Variants in SPAG9 observed in about 807,000 individuals in gnomAD.
The protein encoded by SPAG9 is C-Jun-amino-terminal kinase-interacting protein 4.
In SPAG9, 35 loss-of-function variants were observed where a neutral mutation model predicts 166.5. That is an observed-to-expected ratio of 0.21 (90% CI 0.16 to 0.28). SPAG9 has a LOEUF of 0.28. Among genes scored for constraint, SPAG9 ranks in the 10% least tolerant of loss-of-function variants. The pLI is 1.00. For missense variants in SPAG9, 1,235 were observed against 1,603.3 expected (o/e 0.77, Z 3.92); for synonymous variants, 534 against 565.5 (o/e 0.94, Z 0.79).
chr17:51,042,265 T>C (rs12452530), intron 4 of SPAG9, among the ~76,000 whole-genome samples: 36,315 of 152,084 alleles, frequency 0.24, 5,183 homozygotes, highest in Admixed American at 0.34. Flanking sequence ...GAGAAAACCA[T>C]TGTCGGTTTT....
At chr17:50,992,548 G>A (rs1426559546) in intron 19 of SPAG9, among the ~76,000 whole-genome samples, 1 of 152,134 alleles carries the variant, frequency 6.6e-6, no homozygotes, top group East Asian at 1.9e-4. Context: ...GTGTGCGCCT[G>A]TGGTCCCAGC....
chr17:51,102,157 C>T lies in SPAG9; in HGVS notation c.303+18197G>A, dbSNP rs564657817. ...TAGCATTTTGGGAGGCCAAGGTGGG[C>T]GAACTGCCTGAGCTCAGGAATTTGA... is the stretch of plus-strand genomic sequence containing the variant. On this transcript the variant is annotated intron_variant, in intron 1 of 29. Transcript: ENST00000262013. 2.5e-3 allele frequency among the ~76,000 whole-genome samples: 374 copies of T among 151,862 alleles called. 2 individuals are homozygous for T. The highest frequency in any genetic ancestry group is 8.3e-3 in the African/African-American group (346 of 41,454).
chr17:51,025,994 A>G (rs1337520781), intron 6 of SPAG9, among the ~76,000 whole-genome samples: 1 of 152,250 alleles, frequency 6.6e-6, no homozygotes, highest in African/African-American at 2.4e-5. Context: ...GGATTCAGAA[A>G]GCCCTAGAGA....
At chr17:51,083,762 T>C (rs1289512498) in intron 1 of SPAG9, among the ~76,000 whole-genome samples, 5 of 151,884 alleles carry the variant, frequency 3.3e-5, no homozygotes, top group Middle Eastern at 3.2e-3. Context: ...CCCTATAACA[T>C]TGGTTCTTAA....
intron 9 of SPAG9, among the ~76,000 whole-genome samples, chr17:51,010,606 T>C (rs1379757074): frequency 6.8e-6 from 1 of 148,032 alleles, no homozygotes; most frequent in Non-Finnish European, 1.5e-5. Context: ...TATATACATA[T>C]ATGTATGTAT....
At chr17:51,112,186 T>C (rs998242457) in intron 1 of SPAG9, among the ~76,000 whole-genome samples, 1 of 151,946 alleles carries the variant, frequency 6.6e-6, no homozygotes, top group Non-Finnish European at 1.5e-5. Context: ...AATGACTAGG[T>C]GCAGGGGCAT....
At chr17:51,005,585 T>C (rs879738467) in intron 11 of SPAG9, among the ~76,000 whole-genome samples, 2 of 152,290 alleles carry the variant, frequency 1.3e-5, no homozygotes, top group Non-Finnish European at 2.9e-5. Flanking sequence ...GTGCAGTGGC[T>C]CACGCCTGTA....
intron 8 of SPAG9, among the ~76,000 whole-genome samples, chr17:51,015,145 T>C (rs987545093): frequency 6.6e-6 from 1 of 152,046 alleles, no homozygotes; most frequent in Admixed American, 6.5e-5. Flanking sequence ...AACAAAATTC[T>C]GTAAGATGGA....
chr17:51,099,759 T>TAAAAAAAA (rs58721041), intron 1 of SPAG9, among the ~76,000 whole-genome samples: 8 of 43,652 alleles, frequency 1.8e-4, no homozygotes, highest in Admixed American at 3.2e-4. Context: ...CTTCTATTAC[T>TAAAAAAAA]AAAAAAAAAA....
intron 8 of SPAG9, among the ~76,000 whole-genome samples, chr17:51,016,464 G>A (rs2045701647): frequency 6.6e-6 from 1 of 152,182 alleles, no homozygotes. Context: ...TAGGAAACAG[G>A]CAGGTTTTGT....
In SPAG9 at chr17:51,021,268, A is replaced by G; in HGVS notation, c.881T>C (p.Leu294Ser). Residue 294 changes from leucine (L) to serine (S), a missense_variant, in exon 7 of 30, where the codon TTA (leucine) becomes TCA (serine). Around this residue, in one of 6 missense-constraint regions of SPAG9, gnomAD observed 288 missense variants for 323.7 expected, o/e 0.89. Coordinates refer to ENST00000262013, the MANE Select transcript of SPAG9 (RefSeq NM_001130528.3). ...DVATIPTDTPLKEENEGFVKV... is the reference protein window; with the variant it reads ...DVATIPTDTPSKEENEGFVKV... ...CACAAATCCTTCGTTTTCTTCCTTT[A>G]AGGGAGTATCAGTAGGAATTGTTGC... is the stretch of plus-strand genomic sequence containing the variant. The G allele has an allele frequency of 6.2e-7, 1 of 1,614,064 alleles. No homozygotes were observed.
chr17:51,104,057 T>C (rs972472907), intron 1 of SPAG9, among the ~76,000 whole-genome samples: 3 of 152,102 alleles, frequency 2.0e-5, no homozygotes, highest in African/African-American at 7.2e-5. Context: ...GCAATGGGAA[T>C]GAGGAAGAGT....
At chr17:50,990,771 T>C (rs1240566541) in intron 19 of SPAG9, 103 bp from the exon 20 acceptor site, 2 of 834,004 alleles carry the variant, frequency 2.4e-6, no homozygotes, top group Non-Finnish European at 3.8e-6. Context: ...GCAGGTGAGA[T>C]GTACAGGTAG....
chr17:50,995,457 T>A lies in SPAG9; in HGVS notation c.2045A>T (p.Asp682Val), dbSNP rs1189864075. ...CAATGAACTTACCTTCATTGATGTA[T>A]CTTTTTCATCCAGAGGTCTGAGATA... ...PVYLRPLDEK[D>V]TSMKLWCAVG... The change falls in exon 17 of 30, where the codon GAT (aspartate) becomes GTT (valine). Residue 682 changes from aspartate to valine, a missense_variant. By Grantham distance (152) the Asp-to-Val change is radical. Around this residue, in one of 6 missense-constraint regions of SPAG9, gnomAD observed 493 missense variants for 559.4 expected, o/e 0.88. Transcript: ENST00000262013. The A allele has an allele frequency of 1.9e-6, 3 of 1,607,050 alleles. No individual in the cohort carries two copies. In the Admixed American group the frequency reaches 5.0e-5, roughly 27 times the overall value.
Position 50,966,378 on chromosome 17 carries a change from C to T in SPAG9, c.3860G>A (p.Gly1287Asp). 6.3e-7 allele frequency: 1 copy of T among 1,594,650 alleles called. No individual in the cohort carries two copies. The highest frequency in any genetic ancestry group is 2.2e-5 in the East Asian group (1 of 44,766). The change falls in exon 30 of 30, where the codon GGT becomes GAT. Residue 1287 changes from glycine to aspartate, a missense_variant. Physicochemically the swap from Gly to Asp is moderately conservative, Grantham distance 94. Coordinates refer to ENST00000262013, the MANE Select transcript of SPAG9 (RefSeq NM_001130528.3). ...GYIDFRMGDE[G>D]GESELLGEDL... ...CTCTCCAAGAAGTTCTGATTCTCCA[C>T]CTTCATCACCTAGTGAATGATAAGA... is the stretch of plus-strand genomic sequence containing the variant.
chr17:51,009,124 TAC>T, intron 9 of SPAG9: 1 of 450,896 alleles, frequency 2.2e-6, no homozygotes, highest in Non-Finnish European at 4.5e-6. Context: ...TTCAAAATCA[TAC>T]ACACCAGAAT....
chr17:51,029,986 C>CCA (rs1289869169), intron 6 of SPAG9, among the ~76,000 whole-genome samples: 1 of 152,054 alleles, frequency 6.6e-6, no homozygotes, highest in African/African-American at 2.4e-5. Context: ...TGTGTTTTTA[C>CCA]CACACACACA....
chr17:51,075,371 A>C (rs1475077374), intron 2 of SPAG9, among the ~76,000 whole-genome samples: 2 of 152,086 alleles, frequency 1.3e-5, no homozygotes, highest in East Asian at 1.9e-4. Context: ...GGAAAAAAAG[A>C]AGCAGTATCT....
At chr17:51,077,061 TCTAGCTAGCTATCTAGCTATCTAG>T (rs2048024605) in intron 2 of SPAG9, among the ~76,000 whole-genome samples, 1 of 109,656 alleles carries the variant, frequency 9.1e-6, no homozygotes, top group Non-Finnish European at 2.0e-5. Context: ...TAGCTAGCTA[TCTAGCTAGCTATCTAGCTATCTAG>T]CTAGCTATCT....
Sources: allele counts gnomAD v4.1 joint callset (sites outside exome capture counted in the v4.1 genomes callset), GRCh38; gene constraint gnomAD v4.1.1; regional missense constraint gnomAD v4.1.1; transcripts MANE v1.5; gene names NCBI Gene and HGNC (gene_info 2026-07-23, HGNC 2026-07-21).